DYM: variants seen among roughly 807,000 people sequenced by gnomAD.
DYM encodes the protein dyggve-Melchior-Clausen syndrome protein.
DYM carries 78 observed loss-of-function variants against 93.1 expected under a neutral mutation model. The ratio of observed to expected loss-of-function variants is 0.84; its 90% CI spans 0.70 to 1.01. DYM has a LOEUF of 1.01. Ranked by LOEUF, DYM falls within the 50% of genes least tolerant of loss-of-function variation. DYM has a pLI of 0.00. For missense variants in DYM, 789 were observed against 845.0 expected, an observed-to-expected ratio of 0.93 and a Z score of 0.82; for synonymous variants, 321 against 319.7, an observed-to-expected ratio of 1.00 and a Z score of -0.04.
intron 3 of DYM, 80 bp from the exon 4 acceptor site, chr18:49,379,838 C>A (rs2067873293): frequency 2.6e-6 from 3 of 1,160,056 alleles, no homozygotes; most frequent in South Asian, 2.5e-5. Flanking sequence ...TTTATAAAAC[C>A]AAATGTCATA....
At chr18:49,248,116 C>A (rs1000849926) in intron 13 of DYM, among the ~76,000 whole-genome samples, 1 of 152,338 alleles carries the variant, frequency 6.6e-6, no homozygotes, top group African/African-American at 2.4e-5. Flanking sequence ...AAAATGAAAT[C>A]ATATACATTT....
At chr18:49,086,083 T>C (rs1356320048) in intron 17 of DYM, among the ~76,000 whole-genome samples, 1 of 152,254 alleles carries the variant, frequency 6.6e-6, no homozygotes, top group African/African-American at 2.4e-5. Context: ...AGAACTGCCC[T>C]TGCATTGTGA....
At chr18:49,047,227 C>T (rs2071710766) in intron 17 of DYM, among the ~76,000 whole-genome samples, 1 of 152,206 alleles carries the variant, frequency 6.6e-6, no homozygotes, top group African/African-American at 2.4e-5. Context: ...ACACCCTGCA[C>T]CCCCACACTG....
chr18:49,399,918 ATTTATT>A (rs2070573345), intron 2 of DYM, among the ~76,000 whole-genome samples: 1 of 128,480 alleles, frequency 7.8e-6, no homozygotes, highest in South Asian at 2.5e-4. Flanking sequence ...TTTAAAAGAC[ATTTATT>A]TTTATTTTTC....
chr18:49,290,344 A>G (rs749855352), intron 8 of DYM, among the ~76,000 whole-genome samples: 6 of 151,936 alleles, frequency 3.9e-5, no homozygotes, highest in Non-Finnish European at 8.8e-5. Context: ...ACCAAACCAT[A>G]TATGTATCCA....
At chr18:49,428,740 A>T (rs996722454) in intron 2 of DYM, among the ~76,000 whole-genome samples, 25 of 152,128 alleles carry the variant, frequency 1.6e-4, no homozygotes, top group African/African-American at 6.0e-4. Context: ...GTGTCTGCTA[A>T]TGGGCATGGG....
intron 8 of DYM, among the ~76,000 whole-genome samples, chr18:49,290,207 A>G (rs1701877): frequency 0.69 from 104,797 of 151,676 alleles, 36,571 homozygotes; most frequent in Admixed American, 0.74. Context: ...GGTGACATAA[A>G]CTATGGTTAA....
chr18:49,067,738 CACA>C (rs1362690658), intron 17 of DYM, among the ~76,000 whole-genome samples: 1 of 152,106 alleles, frequency 6.6e-6, no homozygotes, highest in Non-Finnish European at 1.5e-5. Flanking sequence ...TTAAATAACA[CACA>C]ACAAAATAAA....
Position 49,286,545 on chromosome 18 carries a change from G to A in DYM, c.835C>T (p.Pro279Ser), listed in dbSNP as rs1469032885. Residue 279 changes from proline (P) to serine (S), a missense_variant, in exon 9 of 18, where the codon CCT becomes TCT. Physicochemically the swap from Pro to Ser is moderately conservative, Grantham distance 74. Transcript: ENST00000675505. ...KAAASPELSS[P>S]LANQSLLLLL... ...AGCAGGAGACTCTGGTTGGCCAGAG[G>A]GGAAGAAAGCTCTGGAGAGGCAGCC... The A allele has an allele frequency of 1.2e-6, 2 of 1,614,036 alleles. No homozygotes were observed. The highest frequency in any genetic ancestry group is 1.7e-6 in the Non-Finnish European group (2 of 1,180,006).
chr18:49,249,957 C>A (rs184577209), intron 13 of DYM, among the ~76,000 whole-genome samples: 1 of 152,316 alleles, frequency 6.6e-6, no homozygotes, highest in East Asian at 1.9e-4. Context: ...CTTTGTATTA[C>A]TTTATTCTCA....
At chr18:49,105,818 T>C (rs112638217) in intron 16 of DYM, among the ~76,000 whole-genome samples, 1,580 of 152,316 alleles carry the variant, frequency 0.01, 16 homozygotes, top group Non-Finnish European at 0.015. Flanking sequence ...GAGGAGAGCT[T>C]TACTTCCAAG....
At chr18:49,415,287 T>A (rs915289773) in intron 2 of DYM, among the ~76,000 whole-genome samples, 1 of 116,976 alleles carries the variant, frequency 8.5e-6, no homozygotes, top group East Asian at 2.5e-4. Flanking sequence ...ACCACTGCAC[T>A]ACAGTCTGGG....
intron 11 of DYM, among the ~76,000 whole-genome samples, chr18:49,266,112 TTACAAAATTAAA>T (rs991592691): frequency 2.6e-5 from 4 of 151,896 alleles, no homozygotes; most frequent in African/African-American, 9.7e-5. Flanking sequence ...AAAAAAATTT[TTACAAAATTAAA>T]TAATTAAACT....
intron 2 of DYM, among the ~76,000 whole-genome samples, chr18:49,422,107 C>T (rs2073781120): frequency 6.6e-6 from 1 of 152,128 alleles, no homozygotes; most frequent in African/African-American, 2.4e-5. Flanking sequence ...GAGAACTTCC[C>T]CAACCTAGTA....
intron 14 of DYM, among the ~76,000 whole-genome samples, chr18:49,168,424 G>GA (rs1263060481): frequency 6.6e-6 from 1 of 152,148 alleles, no homozygotes; most frequent in Non-Finnish European, 1.5e-5. Context: ...TTTCACAAAA[G>GA]AAAGCAGCAT....
intron 11 of DYM, among the ~76,000 whole-genome samples, chr18:49,260,856 G>GAAAAAAAAAAAAAAA: frequency 6.8e-6 from 1 of 147,398 alleles, no homozygotes; most frequent in Non-Finnish European, 1.5e-5. Context: ...CCATCTCCGG[G>GAAAAAAAAAAAAAAA]AGAAAAAAAA....
chr18:49,190,091 A>G (rs899034663), intron 14 of DYM, among the ~76,000 whole-genome samples: 2 of 152,214 alleles, frequency 1.3e-5, no homozygotes, highest in African/African-American at 2.4e-5. Flanking sequence ...AGAACAGATA[A>G]CTGTCCATTG....
intron 16 of DYM, among the ~76,000 whole-genome samples, chr18:49,108,604 A>G (rs1451242357): frequency 3.3e-5 from 5 of 152,204 alleles, no homozygotes; most frequent in African/African-American, 4.8e-5. Context: ...AATATACTCT[A>G]GGTGATCTCA....
chr18:49,094,572 C>T (rs966401601), intron 17 of DYM, among the ~76,000 whole-genome samples: 2 of 152,146 alleles, frequency 1.3e-5, no homozygotes, highest in Admixed American at 6.5e-5. Flanking sequence ...GATATTAATA[C>T]TATTTACTCT....
Sources: gnomAD v4.1 joint callset for allele counts (sites outside exome capture counted in the v4.1 genomes callset) on GRCh38, gnomAD v4.1.1 for gene constraint, MANE v1.5 for transcripts, NCBI Gene and HGNC (gene_info 2026-07-23, HGNC 2026-07-21) for gene names.